Variants in MAD2L2 observed in about 807,000 individuals in gnomAD.
The protein encoded by MAD2L2 is mitotic arrest deficient 2 like 2.
Under a neutral mutation model 30.5 loss-of-function variants are expected in MAD2L2, and 17 were observed. The observed-to-expected ratio is 0.56, with a 90% CI of 0.38 to 0.84. The LOEUF is 0.84. Ranked by LOEUF, MAD2L2 falls within the 40% of genes least tolerant of loss-of-function variation. The pLI is 0.00. For synonymous variants in MAD2L2, 101 were observed against 113.9 expected (o/e 0.89, Z 0.72); for missense variants, 213 against 277.4 (o/e 0.77, Z 1.65).
upstream of MAD2L2, among the ~76,000 whole-genome samples, chr1:11,682,750 A>T (rs28924090): frequency 5.0e-3 from 759 of 152,138 alleles, 3 homozygotes; most frequent in African/African-American, 0.017. Flanking sequence ...TTCCCAGAGA[A>T]TATCTTCATT....
upstream of MAD2L2, among the ~76,000 whole-genome samples, chr1:11,684,780 G>A (rs1570293875): frequency 6.6e-6 from 1 of 152,168 alleles, no homozygotes; most frequent in African/African-American, 2.4e-5. Context: ...GGGACATACA[G>A]AGTGAGACAC....
rs1557683846 is a variant in MAD2L2 at position 11,690,888 on chromosome 1, C to A, written c.-692+525G>T. On this transcript the variant is annotated intron_variant, in intron 1 of 10. Coordinates refer to the MAD2L2 transcript ENST00000235310. The surrounding 1 kb of genome is among the most constrained non-coding windows in gnomAD (Gnocchi z 4.2). ...TTGGGCCGGTCTGAGAAGCTTCAGG[C>A]CGGCTTTGGACGGGGCGTGGCGAGA... is the stretch of plus-strand genomic sequence containing the variant. Among the ~76,000 whole-genome samples, 2 of 152,140 alleles carry A rather than the reference C, an allele frequency of 1.3e-5. No individual in the cohort carries two copies.
chr1:11,684,493 G>A (rs1323982179), upstream of MAD2L2, among the ~76,000 whole-genome samples: 7 of 152,104 alleles, frequency 4.6e-5, no homozygotes, highest in African/African-American at 1.7e-4. Flanking sequence ...GAGGATCTCT[G>A]ATGGGGACGG....
At position 11,688,357 on chromosome 1, in the gene MAD2L2, C is replaced by T. The variant is rs1640998854; in HGVS notation, c.-692+3056G>A. On this transcript the variant is annotated intron_variant, in intron 1 of 10. Coordinates refer to the MAD2L2 transcript ENST00000235310. The surrounding 1 kb of genome is among the most constrained non-coding windows in gnomAD (Gnocchi z 4.6). ...GGCGAATCACCTGAGGTCAGGATAT[C>T]GAGACCATCCTGGCTAACATGGGGA... Among the ~76,000 whole-genome samples, 1 of 152,126 alleles carries T rather than the reference C, an allele frequency of 6.6e-6. No homozygotes were observed. Among genetic ancestry groups the T allele is most frequent in the African/African-American group, 2.4e-5 (1 of 41,428 alleles).
chr1:11,682,482 T>G (rs189143283), upstream of MAD2L2, among the ~76,000 whole-genome samples: 37 of 125,926 alleles, frequency 2.9e-4, 1 homozygote, highest in Middle Eastern at 4.6e-3. Context: ...AACCTGCATT[T>G]CCAGACTTCT....
At chr1:11,678,110 A>G (rs1350544600) in intron 3 of MAD2L2, among the ~76,000 whole-genome samples, 1 of 151,646 alleles carries the variant, frequency 6.6e-6, no homozygotes, top group African/African-American at 2.4e-5. Flanking sequence ...CCATAGAGAA[A>G]GAAGTTAGAA....
rs370258457 is a variant in MAD2L2 at position 11,687,460 on chromosome 1, G to A, written c.-692+3953C>T. 2.0e-5 allele frequency among the ~76,000 whole-genome samples: 3 copies of A among 152,154 alleles called. No individual in the cohort carries two copies. The highest frequency in any genetic ancestry group is 2.9e-5 in the Non-Finnish European group (2 of 67,996). ...TTGCCATATTGGCCAGGCTGGTCTCGAACTCCTGACCTCAGGTGACCCACC... is the reference window on the plus strand; with the variant it reads ...TTGCCATATTGGCCAGGCTGGTCTCAAACTCCTGACCTCAGGTGACCCACC... On this transcript the variant is annotated intron_variant, in intron 1 of 10. Coordinates refer to the MAD2L2 transcript ENST00000235310. The surrounding 1 kb of genome is among the most constrained non-coding windows in gnomAD (Gnocchi z 4.1).
rs1413799440 is a variant in MAD2L2 at position 11,688,732 on chromosome 1, G to A, written c.-692+2681C>T. ...CAACCCCATCTTGAGTAGGGGCTGG[G>A]TCAAATGGGGTTGGGACTTGCTGGG... is the stretch of plus-strand genomic sequence containing the variant. On this transcript the variant is annotated intron_variant, in intron 1 of 10. Coordinates refer to the MAD2L2 transcript ENST00000235310. The surrounding 1 kb of genome is among the most constrained non-coding windows in gnomAD (Gnocchi z 4.6). Among the ~76,000 whole-genome samples, 1 of 152,158 alleles carries A rather than the reference G, an allele frequency of 6.6e-6. No individual in the cohort carries two copies. Among genetic ancestry groups the A allele is most frequent in the African/African-American group, 2.4e-5 (1 of 41,436 alleles).
rs1444244245 is a variant in MAD2L2 at position 11,676,127 on chromosome 1, A to G, written c.346T>C (p.Leu116=). 1 of 1,602,718 alleles carries G rather than the reference A, an allele frequency of 6.2e-7. No individual in the cohort carries two copies. ...CGGAGCAGCTGCTCCACATGAGACA[A>G]CAGCGAGTCTGAGCTGGGAGTGAGA... ...PLLSISSDSL[L]SHVEQLLRAF... is the part of the protein sequence containing the mutation. The change falls in exon 6 of 9, where the codon TTG becomes CTG. Residue 116 remains leucine (L), a synonymous_variant. Coordinates refer to ENST00000376692, the MANE Select transcript of MAD2L2 (RefSeq NM_006341.4).
Position 11,674,835 on chromosome 1 carries a change from C to T in MAD2L2, c.595-19G>A, listed in dbSNP as rs921343992. On this transcript the variant is annotated intron_variant, in intron 8 of 8. Coordinates refer to ENST00000376692, the MANE Select transcript of MAD2L2 (RefSeq NM_006341.4). The surrounding 1 kb of genome is among the most constrained non-coding windows in gnomAD (Gnocchi z 6.1). ...GCTGCATCTGACGGACACAAGCAAA[C>T]AGCCACAGTCAGCAAGACAGCCAGG... The T allele has an allele frequency of 6.2e-7, 1 of 1,613,534 alleles. No homozygotes were observed. The highest frequency in any genetic ancestry group is 8.5e-7 in the Non-Finnish European group (1 of 1,179,886).
At chr1:11,685,676 G>A (rs562807474), upstream of MAD2L2, among the ~76,000 whole-genome samples, 7 of 152,344 alleles carry the variant, frequency 4.6e-5, no homozygotes, top group South Asian at 1.4e-3. Context: ...AGTGCACAAT[G>A]CCAGGCATGG....
rs1328835318 is a variant in MAD2L2, at chr1:11,690,586, C to T, written c.-692+827G>A. On this transcript the variant is annotated intron_variant, in intron 1 of 10. Transcript: ENST00000235310. This position sits in a 1 kb window ranked among gnomAD's most constrained non-coding sequence, Gnocchi z 4.2. ...ACGGCAGAACTGTGTTCTAAAACCTCAAAGTCATAATTTGCCACACGCTGG... is the reference window on the plus strand; with the variant it reads ...ACGGCAGAACTGTGTTCTAAAACCTTAAAGTCATAATTTGCCACACGCTGG... Among the ~76,000 whole-genome samples the T allele has an allele frequency of 6.6e-6, 1 of 152,184 alleles. No homozygotes were observed. Among genetic ancestry groups the T allele is most frequent in the Admixed American group, 6.5e-5 (1 of 15,282 alleles).
intron 3 of MAD2L2, among the ~76,000 whole-genome samples, chr1:11,679,572 GCTGGAGTGCAGTGGCACGAT>G (rs1570288668): frequency 6.7e-6 from 1 of 148,982 alleles, no homozygotes. Context: ...TGTCGCCCAG[GCTGGAGTGCAGTGGCACGAT>G]CTGGGCTTAC....
upstream of MAD2L2, chr1:11,691,664 C>T (rs1323460932): frequency 6.7e-6 from 1 of 148,504 alleles, no homozygotes; most frequent in East Asian, 2.0e-4. Flanking sequence ...CCCCTCCCCG[C>T]GCTCCCGCCC....
intron 3 of MAD2L2, among the ~76,000 whole-genome samples, chr1:11,678,051 C>CG (rs1403227091): frequency 8.9e-6 from 1 of 112,726 alleles, no homozygotes; most frequent in Non-Finnish European, 1.8e-5. Flanking sequence ...AGCGAGACTC[C>CG]ATCTCAAAAA....
At chr1:11,676,975 G>A in intron 4 of MAD2L2, 27 bp from the exon 5 acceptor site, 2 of 1,569,470 alleles carry the variant, frequency 1.3e-6, no homozygotes, top group Non-Finnish European at 1.8e-6. Flanking sequence ...CCCCACTGCA[G>A]AGCCAGGCAC....
chr1:11,677,499 G>A (rs369357781), intron 4 of MAD2L2, 44 bp downstream of exon 4: 19 of 1,578,452 alleles, frequency 1.2e-5, no homozygotes, highest in African/African-American at 2.7e-5. Context: ...AGGGACGGGG[G>A]TGAGCATGGG....
chr1:11,686,694 C>T (rs916221541), intron 1 of MAD2L2, among the ~76,000 whole-genome samples: 1 of 151,952 alleles, frequency 6.6e-6, no homozygotes, highest in Non-Finnish European at 1.5e-5. Flanking sequence ...TGAGCCACTG[C>T]GCCCGGCCCA....
chr1:11,677,586 T>C lies in MAD2L2; in HGVS notation c.188A>G (p.Tyr63Cys). The change falls in exon 4 of 9, where the codon TAT becomes TGT. Residue 63 changes from tyrosine to cysteine, a missense_variant. By Grantham distance (194) the Tyr-to-Cys change is radical (BLOSUM62 -2). Coordinates refer to ENST00000376692, the MANE Select transcript of MAD2L2 (RefSeq NM_006341.4). ...GACGCAGTGCAGCGTGTCCTGGATA[T>C]ACTGATTCAGCTCCGGGTGGCAGGA... ...QMSCHPELNQ[Y>C]IQDTLHCVKP... 1 of 1,613,688 alleles carries C rather than the reference T, an allele frequency of 6.2e-7. No homozygotes were observed. Among genetic ancestry groups the C allele is most frequent in the Non-Finnish European group, 8.5e-7 (1 of 1,179,982 alleles).
Sources: gnomAD v4.1 joint callset for allele counts (sites outside exome capture counted in the v4.1 genomes callset) on GRCh38, gnomAD v4.1.1 for gene constraint, Gnocchi (gnomAD v3.1) non-coding constraint, MANE v1.5 for transcripts, NCBI Gene and HGNC (gene_info 2026-07-23, HGNC 2026-07-21) for gene names.